The following GPHN variants were observed in gnomAD, a reference collection of about 807,000 sequenced individuals.
GPHN encodes the protein gephyrin.
Under a neutral mutation model 95.5 loss-of-function variants are expected in GPHN, and 17 were observed. The observed-to-expected ratio is 0.18, with a 90% confidence interval of 0.12 to 0.27. The LOEUF (loss-of-function observed/expected upper bound fraction) is 0.27, where lower values mean the gene tolerates loss of function less well. GPHN is among the 10% of genes least tolerant of loss of function. The pLI is 1.00. For missense variants in GPHN, 660 were observed against 978.1 expected (o/e 0.67, Z 4.34); for synonymous variants, 320 against 322.5 (o/e 0.99, Z 0.08).
the GPHN span, chr14:67,317,296 C>A: frequency 2.1e-6 from 2 of 962,190 alleles, no homozygotes; most frequent in Non-Finnish European, 3.0e-6. Flanking sequence ...GATCTCGTTT[C>A]TGCAAAAAAA....
chr14:67,135,405 G>C (rs1485862804), intron 17 of GPHN, among the ~76,000 whole-genome samples: 1 of 152,022 alleles, frequency 6.6e-6, no homozygotes, highest in Non-Finnish European at 1.5e-5. Context: ...TTGGTGATTT[G>C]TCATCTGAAT....
the GPHN span, chr14:67,303,534 G>A: frequency 6.2e-7 from 1 of 1,613,010 alleles, no homozygotes. Flanking sequence ...TGATATGCAT[G>A]GTACTTTGAC....
At chr14:66,970,646 A>G (rs2069693265) in intron 9 of GPHN, among the ~76,000 whole-genome samples, 1 of 152,136 alleles carries the variant, frequency 6.6e-6, no homozygotes, top group African/African-American at 2.4e-5. Context: ...TTTTTTTCCT[A>G]TTTTTAAGAG....
At chr14:66,846,155 G>C (rs2062329037) in intron 4 of GPHN, among the ~76,000 whole-genome samples, 1 of 151,998 alleles carries the variant, frequency 6.6e-6, no homozygotes, top group African/African-American at 2.4e-5. Context: ...AACAATTTTA[G>C]GGGGGGTGAT....
chr14:67,322,375 T>C, the GPHN span, among the ~76,000 whole-genome samples: 8 of 152,072 alleles, frequency 5.3e-5, no homozygotes, highest in Non-Finnish European at 1.0e-4. Context: ...AACCTAATTT[T>C]AGAAACTTGG....
At chr14:67,140,108 G>A (rs934142387) in intron 17 of GPHN, among the ~76,000 whole-genome samples, 1 of 152,112 alleles carries the variant, frequency 6.6e-6, no homozygotes, top group Non-Finnish European at 1.5e-5. Context: ...AGTAAGGCTG[G>A]CACGGCGGCT....
Position 66,508,249 on chromosome 14 carries a change from G to T in GPHN, c.-279G>T, listed in dbSNP as rs1438147278. ...TCTGCCGCCTCCGCGCGCTCTCCCC[G>T]TGCGGCCACCGCGCCCCCCAAGCTT... is the stretch of plus-strand genomic sequence containing the variant. On this transcript the variant is annotated 5_prime_UTR_variant, in exon 1 of 23. Transcript: ENST00000478722. 15 of 552,210 alleles carry T rather than the reference G, an allele frequency of 2.7e-5. No homozygotes were observed. Among genetic ancestry groups the T allele is most frequent in the Non-Finnish European group, 4.9e-5 (15 of 307,598 alleles). 34.2% of individuals were successfully genotyped at this position (552,210 alleles called of 1,614,324 possible).
chr14:67,404,905 T>C, the GPHN span, among the ~76,000 whole-genome samples: 12 of 152,030 alleles, frequency 7.9e-5, no homozygotes, highest in African/African-American at 2.7e-4. Context: ...ATGTAAACAA[T>C]GGTCACCTCT....
At chr14:67,341,648 G>A in the GPHN span, among the ~76,000 whole-genome samples, 1 of 152,164 alleles carries the variant, frequency 6.6e-6, no homozygotes, top group South Asian at 2.1e-4. Context: ...GAAGTGAGGA[G>A]CCCCTCTGCC....
intron 3 of GPHN, among the ~76,000 whole-genome samples, chr14:66,789,316 T>C (rs759143606): frequency 9.2e-5 from 14 of 152,246 alleles, no homozygotes; most frequent in Non-Finnish European, 2.1e-4. Context: ...CCTTACACTT[T>C]GCATGTAAAA....
the GPHN span, among the ~76,000 whole-genome samples, chr14:67,269,427 T>C: frequency 1.3e-5 from 2 of 152,258 alleles, no homozygotes; most frequent in African/African-American, 4.8e-5. Flanking sequence ...TGTTTAGCCT[T>C]TTGAGGAATT....
intron 4 of GPHN, among the ~76,000 whole-genome samples, chr14:66,853,334 T>TA (rs1376093247): frequency 3.9e-5 from 6 of 152,068 alleles, no homozygotes; most frequent in South Asian, 2.1e-4. Context: ...ATTTATTACT[T>TA]AAAAAAAATA....
chr14:67,293,158 T>A, the GPHN span, among the ~76,000 whole-genome samples: 117 of 152,280 alleles, frequency 7.7e-4, no homozygotes, highest in Middle Eastern at 6.8e-3. Flanking sequence ...CTATAAAAAC[T>A]GTAGACATTT....
At chr14:66,534,141 A>C (rs1445925278) in intron 1 of GPHN, among the ~76,000 whole-genome samples, 1 of 152,158 alleles carries the variant, frequency 6.6e-6, no homozygotes, top group Non-Finnish European at 1.5e-5. Flanking sequence ...TTTGAGATAT[A>C]ACATGCATAT....
At chr14:67,078,535 A>G (rs1241714714) in intron 11 of GPHN, among the ~76,000 whole-genome samples, 1 of 152,104 alleles carries the variant, frequency 6.6e-6, no homozygotes, top group Non-Finnish European at 1.5e-5. Context: ...GCTTCTACCT[A>G]TGGGCAAAGG....
chr14:67,150,440 C>CA (rs1416536191), intron 18 of GPHN, among the ~76,000 whole-genome samples: 258 of 15,476 alleles, frequency 0.017, no homozygotes, highest in African/African-American at 0.044. Flanking sequence ...GACTCCGTCT[C>CA]AAAAAAAAAA....
At chr14:66,518,446 A>G (rs937144232) in intron 1 of GPHN, among the ~76,000 whole-genome samples, 1 of 152,170 alleles carries the variant, frequency 6.6e-6, no homozygotes, top group African/African-American at 2.4e-5. Context: ...TTAAAGGACT[A>G]CAGATAGAAC....
intron 1 of GPHN, among the ~76,000 whole-genome samples, chr14:66,522,769 T>C (rs2058532148): frequency 6.6e-6 from 1 of 150,600 alleles, no homozygotes; most frequent in Admixed American, 6.6e-5. Context: ...ATAATTTTTT[T>C]TTCTAATCAC....
At chr14:66,568,023 C>T (rs1428776201) in intron 1 of GPHN, among the ~76,000 whole-genome samples, 4 of 152,148 alleles carry the variant, frequency 2.6e-5, no homozygotes, top group Non-Finnish European at 5.9e-5. Flanking sequence ...ACATTCAAAA[C>T]TGGATGATGT....
Sources: gnomAD v4.1 joint callset for allele counts (sites outside exome capture counted in the v4.1 genomes callset) on GRCh38, gnomAD v4.1.1 for gene constraint, MANE v1.5 for transcripts, NCBI Gene and HGNC (gene_info 2026-07-23, HGNC 2026-07-21) for gene names.